LRRC59: variants seen among roughly 807,000 people sequenced by gnomAD.
LRRC59 encodes the protein leucine rich repeat containing 59, also known as leucine-rich repeat-containing protein 59.
A neutral mutation model predicts 33.5 loss-of-function variants in LRRC59; 18 were observed. The observed-to-expected ratio is 0.54, with a 90% CI of 0.37 to 0.80. LRRC59 has a LOEUF of 0.80. LRRC59 is among the 30% of genes least tolerant of loss of function. The pLI, the probability that LRRC59 is intolerant of heterozygous loss-of-function variation, is 0.00. For synonymous variants in LRRC59, 138 were observed against 160.0 expected, an observed-to-expected ratio of 0.86 and a Z score of 1.04; for missense variants, 330 against 391.9, an observed-to-expected ratio of 0.84 and a Z score of 1.33.
At position 50,392,829 on chromosome 17, in the gene LRRC59, T is replaced by C. The variant is rs17715299; in HGVS notation, c.234A>G (p.Pro78=). 0.014 allele frequency: 22,435 copies of C among 1,614,074 alleles called. 304 individuals carry two copies. Among genetic ancestry groups the C allele is most frequent in the African/African-American group, 0.041 (3,067 of 75,030 alleles). The change falls in exon 3 of 7, where the codon CCA becomes CCG. Residue 78 remains proline, a synonymous_variant. Coordinates refer to ENST00000225972, the MANE Select transcript of LRRC59 (RefSeq NM_018509.4). Reference sequence around the variant, plus strand: ...GGTTGACCAGACGGCCAAAGTCTGCTGGCAGCTGCTGCAGCTTGTTCTTAC... The same window carrying C: ...GGTTGACCAGACGGCCAAAGTCTGCCGGCAGCTGCTGCAGCTTGTTCTTAC... ...DLSKNKLQQL[P]ADFGRLVNLQ...
In LRRC59 at chr17:50,397,337, G is replaced by A. The variant is rs772969325; in HGVS notation, c.-20C>T. The A allele has an allele frequency of 3.1e-6, 5 of 1,590,126 alleles. No individual in the cohort carries two copies. In the South Asian group the frequency reaches 5.6e-5, roughly 18 times the overall value. On this transcript the variant is annotated 5_prime_UTR_variant, in exon 1 of 7. Coordinates refer to ENST00000225972, the MANE Select transcript of LRRC59 (RefSeq NM_018509.4). ...GGTCATGGTAACGCCGGCTGAGCGG[G>A]CCCCGGCTCCGGGGTTCCGGCGGGT... is the stretch of plus-strand genomic sequence containing the variant.
chr17:50,391,763 T>A (rs1384092431), intron 4 of LRRC59, among the ~76,000 whole-genome samples: 1 of 152,208 alleles, frequency 6.6e-6, no homozygotes, highest in East Asian at 1.9e-4. Context: ...CCTACGACTG[T>A]GCCTCAGAAA....
chr17:50,393,918 T>C (rs1914212213), intron 2 of LRRC59, among the ~76,000 whole-genome samples: 1 of 152,218 alleles, frequency 6.6e-6, no homozygotes, highest in African/African-American at 2.4e-5. Context: ...CTCAAACTCC[T>C]GGGCTAAGTG....
intron 5 of LRRC59, among the ~76,000 whole-genome samples, chr17:50,385,972 T>G (rs77122715): frequency 0.021 from 3,134 of 152,224 alleles, 50 homozygotes; most frequent in Middle Eastern, 0.048. Flanking sequence ...TGGGAGGATC[T>G]ATTGAGCTCA....
intron 2 of LRRC59, 75 bp downstream of exon 2, chr17:50,394,854 C>A (rs1355517362): frequency 9.6e-6 from 10 of 1,044,970 alleles, no homozygotes; most frequent in East Asian, 5.3e-5. Flanking sequence ...CCTCCCACCC[C>A]CCTCTCAACC....
At chr17:50,390,563 CTG>C (rs1476372801) in intron 4 of LRRC59, among the ~76,000 whole-genome samples, 3 of 152,154 alleles carry the variant, frequency 2.0e-5, no homozygotes, top group Admixed American at 1.3e-4. Context: ...AGTCTGGAGT[CTG>C]TGAGCTCCTG....
intron 4 of LRRC59, among the ~76,000 whole-genome samples, chr17:50,391,238 T>A (rs1270210461): frequency 6.6e-6 from 1 of 152,236 alleles, no homozygotes; most frequent in African/African-American, 2.4e-5. Context: ...TATACTGTTC[T>A]CATCTAAGGG....
intron 2 of LRRC59, among the ~76,000 whole-genome samples, chr17:50,393,243 C>T (rs1419864397): frequency 6.6e-6 from 1 of 152,198 alleles, no homozygotes; most frequent in Non-Finnish European, 1.5e-5. Flanking sequence ...ACACCTACCA[C>T]ACCTGGTGAT....
chr17:50,393,052 A>G (rs1914186969), intron 2 of LRRC59, among the ~76,000 whole-genome samples, 155 bp from the exon 3 acceptor site: 1 of 152,192 alleles, frequency 6.6e-6, no homozygotes. Context: ...GTGTAGCCCA[A>G]GACAACTCTT....
chr17:50,385,629 A>G (rs1300386983), intron 5 of LRRC59, among the ~76,000 whole-genome samples: 1 of 152,218 alleles, frequency 6.6e-6, no homozygotes, highest in East Asian at 1.9e-4. Context: ...ATAGCAACTG[A>G]TTGCCTTCTA....
intron 4 of LRRC59, among the ~76,000 whole-genome samples, chr17:50,390,434 G>C (rs372631861): frequency 1.3e-5 from 2 of 151,986 alleles, no homozygotes; most frequent in Non-Finnish European, 2.9e-5. Flanking sequence ...GCAGGTTGCA[G>C]TGAACTGAGA....
At chr17:50,385,978 G>A (rs934110385) in intron 5 of LRRC59, among the ~76,000 whole-genome samples, 5 of 152,290 alleles carry the variant, frequency 3.3e-5, no homozygotes, top group Admixed American at 2.6e-4. Flanking sequence ...GATCTATTGA[G>A]CTCAGGAAGT....
intron 6 of LRRC59, among the ~76,000 whole-genome samples, 166 bp downstream of exon 6, chr17:50,384,952 G>C (rs1319101652): frequency 6.6e-6 from 1 of 152,090 alleles, no homozygotes; most frequent in Non-Finnish European, 1.5e-5. Context: ...TGCCTCCCTA[G>C]GAGAGTCCCC....
At chr17:50,394,204 G>A (rs1399227534) in intron 2 of LRRC59, among the ~76,000 whole-genome samples, 1 of 152,140 alleles carries the variant, frequency 6.6e-6, no homozygotes, top group Non-Finnish European at 1.5e-5. Context: ...GGCCAAATAG[G>A]AAGTCACCCT....
intron 1 of LRRC59, among the ~76,000 whole-genome samples, chr17:50,395,806 G>C (rs1045210839): frequency 1.2e-4 from 18 of 151,962 alleles, no homozygotes; most frequent in African/African-American, 4.4e-4. Flanking sequence ...CCAGCTACTC[G>C]GGAGGCTGAG....
intron 4 of LRRC59, among the ~76,000 whole-genome samples, 176 bp downstream of exon 4, chr17:50,392,218 AAGAT>A (rs1914162646): frequency 6.6e-6 from 1 of 152,144 alleles, no homozygotes; most frequent in East Asian, 1.9e-4. Context: ...AAAAAACAAA[AAGAT>A]AAAGTAAATG....
intron 1 of LRRC59, chr17:50,396,888 C>T (rs1349181912): frequency 7.8e-6 from 3 of 386,780 alleles, no homozygotes; most frequent in South Asian, 1.3e-4. Flanking sequence ...GTAACTGCTC[C>T]GTGTGCTCCT....
Position 50,394,356 on chromosome 17 carries a change from G to T in LRRC59, c.165+573C>A, listed in dbSNP as rs1487857112. Among the ~76,000 whole-genome samples the T allele has an allele frequency of 2.6e-5, 4 of 152,174 alleles. No individual in the cohort carries two copies. The East Asian group carries it at 7.7e-4, about 29-fold the overall frequency. On this transcript the variant is annotated intron_variant, in intron 2 of 6. Transcript: ENST00000225972. ...CACTGTCTACACAGGTGGAGTGGAA[G>T]GAAAACTAGCAGACGTTGTGCAAGA...
chr17:50,392,949 G>T, intron 2 of LRRC59, 52 bp from the exon 3 acceptor site: 1 of 1,551,884 alleles, frequency 6.4e-7, no homozygotes, highest in South Asian at 1.1e-5. Flanking sequence ...CACGAGCCAC[G>T]ACAGCTTTAA....
Sources: allele counts gnomAD v4.1 joint callset (sites outside exome capture counted in the v4.1 genomes callset), GRCh38; gene constraint gnomAD v4.1.1; transcripts MANE v1.5; gene names NCBI Gene and HGNC (gene_info 2026-07-23, HGNC 2026-07-21).